The following PTPRN2 variants were observed in gnomAD, a reference collection of about 807,000 sequenced individuals.
PTPRN2 encodes the protein receptor-type tyrosine-protein phosphatase N2.
PTPRN2 carries 74 observed loss-of-function variants against 118.8 expected under a neutral mutation model. The ratio of observed to expected loss-of-function variants is 0.62; its 90% CI spans 0.52 to 0.76. PTPRN2 has a LOEUF of 0.76. Ranked by LOEUF, PTPRN2 falls within the 30% of genes least tolerant of loss-of-function variation. The pLI, the probability that PTPRN2 is intolerant of heterozygous loss-of-function variation, is 0.00. For synonymous variants in PTPRN2, 641 were observed against 608.0 expected (o/e 1.05, Z -0.80); for missense variants, 1,481 against 1,394.4 (o/e 1.06, Z -0.99).
At chr7:157,778,098 C>T (rs1372414185) in intron 12 of PTPRN2, among the ~76,000 whole-genome samples, 4 of 152,186 alleles carry the variant, frequency 2.6e-5, no homozygotes, top group South Asian at 4.1e-4. Flanking sequence ...CAGCAAACTC[C>T]GCGGTGACAC....
chr7:157,744,663 T>C (rs1800817365), intron 12 of PTPRN2, among the ~76,000 whole-genome samples: 1 of 152,182 alleles, frequency 6.6e-6, no homozygotes, highest in Admixed American at 6.6e-5. Flanking sequence ...TGTTTAAATG[T>C]GTGAGGCACT....
At chr7:157,725,366 G>GAA (rs1799501031) in intron 12 of PTPRN2, among the ~76,000 whole-genome samples, 1 of 45,240 alleles carries the variant, frequency 2.2e-5, no homozygotes, top group Non-Finnish European at 4.4e-5. Flanking sequence ...GAGGAGTGTG[G>GAA]CCAGACCCTC....
intron 12 of PTPRN2, among the ~76,000 whole-genome samples, chr7:157,791,054 A>C (rs1804458089): frequency 1.3e-5 from 2 of 152,074 alleles, no homozygotes; most frequent in South Asian, 4.1e-4. Context: ...CTTTATGAGC[A>C]AAAAAAATCC....
At chr7:157,910,784 T>G (rs1431981704) in intron 11 of PTPRN2, among the ~76,000 whole-genome samples, 1 of 152,258 alleles carries the variant, frequency 6.6e-6, no homozygotes, top group Non-Finnish European at 1.5e-5. Flanking sequence ...TGTAACGTGT[T>G]GTGATCCACT....
chr7:157,628,573 T>A (rs1803740599), intron 14 of PTPRN2, among the ~76,000 whole-genome samples: 1 of 152,236 alleles, frequency 6.6e-6, no homozygotes, highest in South Asian at 2.1e-4. Flanking sequence ...GCGTGGAGCC[T>A]TCCGGCAAGT....
chr7:158,279,646 C>T lies in PTPRN2; in HGVS notation c.277+37173G>A, dbSNP rs574107130. On this transcript the variant is annotated intron_variant, in intron 3 of 22. Coordinates refer to ENST00000389418, the MANE Select transcript of PTPRN2 (RefSeq NM_002847.5). ...CACGGAGTGCCAGGCCCGCTAAGCC[C>T]GTGCCCACCCGGAACCTGCGCCGGC... Among the ~76,000 whole-genome samples, 339 of 152,242 alleles carry T rather than the reference C, an allele frequency of 2.2e-3. 9 individuals carry two copies. The highest frequency in any genetic ancestry group is 5.1e-4 in the Non-Finnish European group (35 of 68,016).
chr7:158,111,900 G>A (rs889650600), intron 9 of PTPRN2, among the ~76,000 whole-genome samples: 1 of 152,332 alleles, frequency 6.6e-6, no homozygotes, highest in African/African-American at 2.4e-5. Flanking sequence ...TTAAGCTGAG[G>A]TCAATAGGGT....
rs1292370008 is a variant in PTPRN2 at position 157,785,007 on chromosome 7, G to T, written c.1789-102070C>A. On this transcript the variant is annotated intron_variant, in intron 12 of 22. Coordinates refer to ENST00000389418, the MANE Select transcript of PTPRN2 (RefSeq NM_002847.5). The surrounding 1 kb of genome is among the most constrained non-coding windows in gnomAD (Gnocchi z 7.3). ...CCTCTGTCCAGGCGGCTGAGGTCAC[G>T]CGGTCTCTTCAGTTTCCATTTTTCC... is the stretch of plus-strand genomic sequence containing the variant. Among the ~76,000 whole-genome samples, 1 of 152,170 alleles carries T rather than the reference G, an allele frequency of 6.6e-6. No homozygotes were observed.
chr7:157,689,738 G>A (rs960050668), intron 12 of PTPRN2, among the ~76,000 whole-genome samples: 1 of 152,218 alleles, frequency 6.6e-6, no homozygotes, highest in Non-Finnish European at 1.5e-5. Flanking sequence ...CCTGGGGTGG[G>A]GGAGGCGCTG....
At chr7:158,294,785 G>A (rs376662085) in intron 3 of PTPRN2, among the ~76,000 whole-genome samples, 274 of 152,340 alleles carry the variant, frequency 1.8e-3, no homozygotes, top group African/African-American at 6.2e-3. Context: ...CCTTTCTGAG[G>A]GTCCAAGCCC....
chr7:157,978,970 G>C (rs117512198), intron 11 of PTPRN2, among the ~76,000 whole-genome samples: 18 of 152,192 alleles, frequency 1.2e-4, no homozygotes, highest in East Asian at 7.7e-4. Flanking sequence ...AGGCCCAGAG[G>C]GGGGTGGCTC....
intron 11 of PTPRN2, among the ~76,000 whole-genome samples, chr7:157,970,418 G>A (rs955185661): frequency 2.6e-5 from 4 of 152,218 alleles, no homozygotes; most frequent in Non-Finnish European, 5.9e-5. Flanking sequence ...GACAATCCCA[G>A]GGGAAGAAAG....
At chr7:157,985,985 T>G (rs1179921292) in intron 11 of PTPRN2, among the ~76,000 whole-genome samples, 1 of 152,146 alleles carries the variant, frequency 6.6e-6, no homozygotes, top group Non-Finnish European at 1.5e-5. Flanking sequence ...TGCCACCGCA[T>G]GTGAAATGCT....
chr7:157,935,156 G>C (rs946210798), intron 11 of PTPRN2, among the ~76,000 whole-genome samples: 1 of 152,192 alleles, frequency 6.6e-6, no homozygotes, highest in African/African-American at 2.4e-5. Context: ...CTTGCTTGGG[G>C]TTCTCTGAGC....
At chr7:157,681,813 TA>T (rs1316918864) in intron 13 of PTPRN2, among the ~76,000 whole-genome samples, 1 of 152,202 alleles carries the variant, frequency 6.6e-6, no homozygotes, top group East Asian at 1.9e-4. Context: ...ATGAATTATT[TA>T]CAAGACGTAT....
intron 21 of PTPRN2, among the ~76,000 whole-genome samples, chr7:157,556,616 A>T (rs1321748170): frequency 2.7e-5 from 4 of 150,296 alleles, no homozygotes; most frequent in Non-Finnish European, 1.5e-5. Context: ...CACCCCACAC[A>T]TCATACATAT....
chr7:158,570,972 G>A lies in PTPRN2; in HGVS notation c.112+16586C>T, dbSNP rs1411109192. Among the ~76,000 whole-genome samples the A allele has an allele frequency of 1.3e-5, 2 of 152,234 alleles. No homozygotes were observed. Among genetic ancestry groups the A allele is most frequent in the Non-Finnish European group, 2.9e-5 (2 of 68,054 alleles). ...TCCCGGATGGCAAAGCCATACGCAG[G>A]AGCCTTCCCAGCAGCCGCCGCCATG... On this transcript the variant is annotated intron_variant, in intron 1 of 22. Coordinates refer to ENST00000389418, the MANE Select transcript of PTPRN2 (RefSeq NM_002847.5). The surrounding 1 kb of genome is among the most constrained non-coding windows in gnomAD (Gnocchi z 4.5).
At chr7:157,904,624 C>T (rs997759275) in intron 11 of PTPRN2, among the ~76,000 whole-genome samples, 8 of 152,384 alleles carry the variant, frequency 5.2e-5, no homozygotes, top group Admixed American at 2.0e-4. Context: ...GGCGTCTACG[C>T]GTTCCCTTGG....
chr7:158,350,118 G>C (rs1235552375), intron 2 of PTPRN2, among the ~76,000 whole-genome samples: 5 of 152,276 alleles, frequency 3.3e-5, no homozygotes, highest in Admixed American at 6.5e-5. Flanking sequence ...TCTGTACCAA[G>C]ACATGGGTAA....
Sources: gnomAD v4.1 joint callset for allele counts (sites outside exome capture counted in the v4.1 genomes callset) on GRCh38, gnomAD v4.1.1 for gene constraint, Gnocchi (gnomAD v3.1) non-coding constraint, MANE v1.5 for transcripts, NCBI Gene and HGNC (gene_info 2026-07-23, HGNC 2026-07-21) for gene names.